Variants in PCYT1A observed in about 807,000 individuals in gnomAD.
The protein encoded by PCYT1A is phosphate cytidylyltransferase 1A, choline, also known as choline-phosphate cytidylyltransferase A.
PCYT1A carries 25 observed loss-of-function variants against 43.7 expected under a neutral mutation model. That is an observed-to-expected ratio of 0.57 (90% CI 0.42 to 0.80). PCYT1A has a LOEUF of 0.80. Ranked by LOEUF, PCYT1A falls within the 30% of genes least tolerant of loss-of-function variation. PCYT1A has a pLI of 0.00. For synonymous variants in PCYT1A, 172 were observed against 170.7 expected, an observed-to-expected ratio of 1.01 and a Z score of -0.06; for missense variants, 421 against 474.2, an observed-to-expected ratio of 0.89 and a Z score of 1.04.
At chr3:196,246,701 G>A (rs142056924) in intron 5 of PCYT1A, among the ~76,000 whole-genome samples, 17 of 152,282 alleles carry the variant, frequency 1.1e-4, no homozygotes, top group African/African-American at 2.2e-4. Context: ...ATGTTAATCC[G>A]TCTTATTTCC....
rs1365448084 is a variant in PCYT1A, at chr3:196,242,052, T to C, written c.604A>G (p.Thr202Ala). The change falls in exon 7 of 9, where the codon ACA becomes GCA. Residue 202 changes from threonine (T) to alanine (A), a missense_variant. Around this residue, in one of 3 missense-constraint regions of PCYT1A, gnomAD observed 174 missense variants for 270.7 expected, o/e 0.64. Coordinates refer to ENST00000431016, the MANE Select transcript of PCYT1A (RefSeq NM_001312673.2). The surrounding 1 kb of genome is among the most constrained non-coding windows in gnomAD (Gnocchi z 4.2). The part of the protein sequence containing the change: ...APTQRTEGIS[T>A]SDIITRIVRD... ...ACAATTCGGGTGATGATGTCTGATG[T>C]GGAGATACCTTCTGTCCTCTGTGTT... is the stretch of plus-strand genomic sequence containing the variant. 1.9e-6 allele frequency: 3 copies of C among 1,613,930 alleles called. No homozygotes were observed. Among genetic ancestry groups the C allele is most frequent in the Non-Finnish European group, 2.5e-6 (3 of 1,179,958 alleles).
At position 196,265,958 on chromosome 3, in the gene PCYT1A, C is replaced by T. The variant is rs189693248; in HGVS notation, c.117+4457G>A. Reference sequence around the variant, plus strand: ...TTCGTCATGTTGGCCAGACTGGTCTCGAACTCCTGACCTCAGGTGATCCGC... The same window carrying T: ...TTCGTCATGTTGGCCAGACTGGTCTTGAACTCCTGACCTCAGGTGATCCGC... On this transcript the variant is annotated intron_variant, in intron 2 of 8. Transcript: ENST00000431016. 4.2e-4 allele frequency among the ~76,000 whole-genome samples: 63 copies of T among 150,480 alleles called. No individual in the cohort carries two copies. The East Asian group carries it at 0.01, about 25-fold the overall frequency.
Position 196,277,376 on chromosome 3 carries a change from T to G in PCYT1A, c.-10-6835A>C, listed in dbSNP as rs957497855. Among the ~76,000 whole-genome samples, 3 of 152,242 alleles carry G rather than the reference T, an allele frequency of 2.0e-5. No homozygotes were observed. In the East Asian group the frequency reaches 5.8e-4, roughly 29 times the overall value. ...TTCTACACTGTTCTTTAAACTGAAG[T>G]CTTTAGATCCTTCGGATTTAAAATA... On this transcript the variant is annotated intron_variant, in intron 1 of 8. Transcript: ENST00000431016. The surrounding 1 kb of genome is among the most constrained non-coding windows in gnomAD (Gnocchi z 4.1).
Position 196,242,394 on chromosome 3 carries a change from C to G in PCYT1A, c.565+168G>C. 1 of 716,232 alleles carries G rather than the reference C, an allele frequency of 1.4e-6. No homozygotes were observed. The highest frequency in any genetic ancestry group is 2.6e-6 in the Non-Finnish European group (1 of 386,184). The allele number at this position is 716,232 out of a possible 1,614,324, so 44.4% of individuals were successfully genotyped here. A position where few individuals can be genotyped will look rare whatever the true frequency, so the allele number is the denominator to read the frequency against. ...ATTGATGGATGTCATGAACTGACGA[C>G]AAAGAATTGATGGGTGCTATGCTCA... On this transcript the variant is annotated intron_variant, in intron 6 of 8. Transcript: ENST00000431016. This position sits in a 1 kb window ranked among gnomAD's most constrained non-coding sequence, Gnocchi z 4.2.
chr3:196,241,887 G>A (rs1247666031), intron 7 of PCYT1A, 61 bp downstream of exon 7: 6 of 1,580,590 alleles, frequency 3.8e-6, no homozygotes, highest in Non-Finnish European at 5.2e-6. Context: ...AGCTGAGATG[G>A]AGTGGGAGGT....
At chr3:196,266,135 A>G (rs1271991823) in intron 2 of PCYT1A, among the ~76,000 whole-genome samples, 1 of 152,020 alleles carries the variant, frequency 6.6e-6, no homozygotes, top group Non-Finnish European at 1.5e-5. Flanking sequence ...GGTCTTGTTT[A>G]TCTTTACACG....
intron 3 of PCYT1A, among the ~76,000 whole-genome samples, chr3:196,256,315 C>A (rs189638422): frequency 2.0e-5 from 3 of 152,058 alleles, no homozygotes; most frequent in East Asian, 3.9e-4. Flanking sequence ...CATGGTGAAA[C>A]CCCGTCTCTA....
rs141177066 is a variant in PCYT1A at position 196,268,743 on chromosome 3, C to T, written c.117+1672G>A. 1.5e-3 allele frequency among the ~76,000 whole-genome samples: 224 copies of T among 152,178 alleles called. No individual in the cohort carries two copies. The highest frequency in any genetic ancestry group is 5.1e-3 in the African/African-American group (213 of 41,516). On this transcript the variant is annotated intron_variant, in intron 2 of 8. Coordinates refer to ENST00000431016, the MANE Select transcript of PCYT1A (RefSeq NM_001312673.2). This position sits in a 1 kb window ranked among gnomAD's most constrained non-coding sequence, Gnocchi z 4.4. Reference sequence around the variant, plus strand: ...CCAAGAGGCAGACGTTGCAGTGAACCGGGACCGCACCACTGCACTCCAGCC... The same window carrying T: ...CCAAGAGGCAGACGTTGCAGTGAACTGGGACCGCACCACTGCACTCCAGCC...
At position 196,247,193 on chromosome 3, in the gene PCYT1A, T is replaced by C. The variant is rs1007954182; in HGVS notation, c.486+174A>G. Among the ~76,000 whole-genome samples the C allele has an allele frequency of 4.6e-5, 7 of 152,216 alleles. No homozygotes were observed. Among genetic ancestry groups the C allele is most frequent in the African/African-American group, 1.7e-4 (7 of 41,442 alleles). ...AGTGCTTGCAAACCATCCAGCCCCATATAAACGTCAGGGGTGACTGTTATC... is the reference window on the plus strand; with the variant it reads ...AGTGCTTGCAAACCATCCAGCCCCACATAAACGTCAGGGGTGACTGTTATC... On this transcript the variant is annotated intron_variant, in intron 5 of 8. Coordinates refer to ENST00000431016, the MANE Select transcript of PCYT1A (RefSeq NM_001312673.2). The surrounding 1 kb of genome is among the most constrained non-coding windows in gnomAD (Gnocchi z 4.8).
chr3:196,254,797 C>G (rs1218308455), intron 3 of PCYT1A, among the ~76,000 whole-genome samples: 1 of 152,156 alleles, frequency 6.6e-6, no homozygotes, highest in Non-Finnish European at 1.5e-5. Context: ...CAGAAGAAAC[C>G]TGGGTTTCAG....
chr3:196,276,055 C>T, intron 1 of PCYT1A, among the ~76,000 whole-genome samples: 1 of 151,276 alleles, frequency 6.6e-6, no homozygotes. Context: ...CGAGATCGTG[C>T]CACTGCACTC....
Position 196,282,311 on chromosome 3 carries a change from G to A in PCYT1A, c.-11+5304C>T, listed in dbSNP as rs1054598903. ...GACACATGTAATAGTTCTTACAGTT[G>A]AACAATTTTACTCTGCCACTATTCT... On this transcript the variant is annotated intron_variant, in intron 1 of 8. Coordinates refer to ENST00000431016, the MANE Select transcript of PCYT1A (RefSeq NM_001312673.2). This position sits in a 1 kb window ranked among gnomAD's most constrained non-coding sequence, Gnocchi z 4.3. Among the ~76,000 whole-genome samples, 5 of 152,190 alleles carry A rather than the reference G, an allele frequency of 3.3e-5. No individual in the cohort carries two copies. The highest frequency in any genetic ancestry group is 9.6e-5 in the African/African-American group (4 of 41,452).
At position 196,236,464 on chromosome 3, in the gene PCYT1A, A is replaced by C. The variant is rs1035904187; in HGVS notation, c.*2224T>G. ...CTAACTTCAGCTGTTTCAAAGACAG[A>C]CAGGATTCCAAGCCAAAGCTTGTAT... On this transcript the variant is annotated 3_prime_UTR_variant, in exon 9 of 9. Coordinates refer to ENST00000431016, the MANE Select transcript of PCYT1A (RefSeq NM_001312673.2). The C allele has an allele frequency of 3.3e-5, 5 of 152,258 alleles. No homozygotes were observed. Among genetic ancestry groups the C allele is most frequent in the African/African-American group, 9.6e-5 (4 of 41,468 alleles). The allele number at this position is 152,258 out of a possible 1,614,324, so 9.4% of individuals were successfully genotyped here.
At chr3:196,264,009 G>T (rs916073883) in intron 2 of PCYT1A, among the ~76,000 whole-genome samples, 1 of 152,144 alleles carries the variant, frequency 6.6e-6, no homozygotes, top group Non-Finnish European at 1.5e-5. Flanking sequence ...TGTAAACAAT[G>T]AGCTCATCTG....
In PCYT1A at chr3:196,242,512, T is replaced by G; in HGVS notation, c.565+50A>C. On this transcript the variant is annotated intron_variant, in intron 6 of 8. Coordinates refer to ENST00000431016, the MANE Select transcript of PCYT1A (RefSeq NM_001312673.2). This position sits in a 1 kb window ranked among gnomAD's most constrained non-coding sequence, Gnocchi z 4.2. Reference sequence around the variant, plus strand: ...TGTAAAGCAGCAACATGGCTGAACATCTGCAGCTGCCCTGAGATCCCCTAC... The same window carrying G: ...TGTAAAGCAGCAACATGGCTGAACAGCTGCAGCTGCCCTGAGATCCCCTAC... 8.4e-7 allele frequency: 1 copy of G among 1,193,966 alleles called. No homozygotes were observed. The highest frequency in any genetic ancestry group is 1.2e-5 in the South Asian group (1 of 82,704). The allele number at this position is 1,193,966 out of a possible 1,614,324, so 74.0% of individuals were successfully genotyped here.
chr3:196,286,061 CTTTTTTT>C (rs533707821), intron 1 of PCYT1A, among the ~76,000 whole-genome samples: 3 of 124,496 alleles, frequency 2.4e-5, no homozygotes, highest in Non-Finnish European at 1.6e-5. Flanking sequence ...ACCACTGTCC[CTTTTTTT>C]TTTTTTTTTT....
intron 2 of PCYT1A, among the ~76,000 whole-genome samples, chr3:196,262,237 T>A (rs1203445352): frequency 6.6e-6 from 1 of 152,202 alleles, no homozygotes; most frequent in Non-Finnish European, 1.5e-5. Context: ...AAAATTTAGA[T>A]CTAAATCCCA....
intron 1 of PCYT1A, among the ~76,000 whole-genome samples, chr3:196,276,491 T>C (rs1725594200): frequency 6.6e-6 from 1 of 151,568 alleles, no homozygotes; most frequent in African/African-American, 2.4e-5. Flanking sequence ...TAATCCCAGC[T>C]ACTCAGGAGA....
Position 196,287,660 on chromosome 3 carries a change from C to G in PCYT1A, c.-56G>C, listed in dbSNP as rs1725953327. The G allele has an allele frequency of 6.6e-6, 1 of 152,176 alleles. No individual in the cohort carries two copies. Among genetic ancestry groups the G allele is most frequent in the Non-Finnish European group, 1.5e-5 (1 of 68,080 alleles). 9.4% of individuals were successfully genotyped at this position (152,176 alleles called of 1,614,324 possible). A position where few individuals can be genotyped will look rare whatever the true frequency, so the allele number is the denominator to read the frequency against. ...AGCCCGGTCCGGTCGGATTTCTGGC[C>G]GGCGCCGCGTCACTGACTAGGGAAG... is the stretch of plus-strand genomic sequence containing the variant. On this transcript the variant is annotated 5_prime_UTR_variant, in exon 1 of 9. Transcript: ENST00000431016.
Sources: gnomAD v4.1 joint callset for allele counts (sites outside exome capture counted in the v4.1 genomes callset) on GRCh38, gnomAD v4.1.1 for gene constraint, gnomAD v4.1.1 regional missense constraint, Gnocchi (gnomAD v3.1) non-coding constraint, MANE v1.5 for transcripts, NCBI Gene and HGNC (gene_info 2026-07-23, HGNC 2026-07-21) for gene names.